The following ATG7 variants were observed in gnomAD, a reference collection of about 807,000 sequenced individuals.
ATG7 encodes the protein autophagy related 7, also known as ubiquitin-like modifier-activating enzyme ATG7.
ATG7 carries 70 observed loss-of-function variants against 82.4 expected under a neutral mutation model. The observed-to-expected ratio is 0.85, with a 90% CI of 0.70 to 1.04. The LOEUF is 1.04. Ranked by LOEUF, ATG7 falls within the 50% of genes least tolerant of loss-of-function variation. ATG7 has a pLI of 0.00. For synonymous variants in ATG7, 287 were observed against 313.0 expected, an observed-to-expected ratio of 0.92 and a Z score of 0.88; for missense variants, 792 against 864.3, an observed-to-expected ratio of 0.92 and a Z score of 1.05.
chr3:11,563,638 T>C, the ATG7 span, among the ~76,000 whole-genome samples: 2,342 of 152,286 alleles, frequency 0.015, 43 homozygotes, highest in East Asian at 0.077. Flanking sequence ...TAACTTGGCC[T>C]CGGGTTCCAT....
chr3:11,371,447 G>A (rs948245526), intron 18 of ATG7, among the ~76,000 whole-genome samples: 2 of 150,932 alleles, frequency 1.3e-5, no homozygotes, highest in Non-Finnish European at 3.0e-5. Context: ...GCCGTTGAAC[G>A]CTGAGGTGTG....
chr3:11,426,813 C>A lies in ATG7; in HGVS notation c.1966C>A (p.Gln656Lys). 1 of 1,592,086 alleles carries A rather than the reference C, an allele frequency of 6.3e-7. No individual in the cohort carries two copies. Among genetic ancestry groups the A allele is most frequent in the South Asian group, 1.2e-5 (1 of 86,146 alleles). ...TGTAAATGTTTTACAGGTTCTTGAT[C>A]AATATGAACGAGAAGGATTTAACTT... is the stretch of plus-strand genomic sequence containing the variant. Reference protein sequence around the residue: ...CTACSSKVLDQYEREGFNFLA... With the variant: ...CTACSSKVLDKYEREGFNFLA... Residue 656 changes from glutamine to lysine, a missense_variant, in exon 20 of 21, where the codon CAA becomes AAA. By Grantham distance (53) the Gln-to-Lys change is moderately conservative (BLOSUM62 1). Transcript: ENST00000693202.
chr3:11,321,881 A>G (rs1196636117), intron 9 of ATG7, among the ~76,000 whole-genome samples: 1 of 152,164 alleles, frequency 6.6e-6, no homozygotes, highest in Non-Finnish European at 1.5e-5. Flanking sequence ...GATTAACCCC[A>G]GTTTCCAGCT....
At chr3:11,412,261 CTTTTTTTTT>C (rs71055869) in intron 19 of ATG7, among the ~76,000 whole-genome samples, 1 of 137,816 alleles carries the variant, frequency 7.3e-6, no homozygotes, top group Admixed American at 7.2e-5. Context: ...TTATTTGATT[CTTTTTTTTT>C]TTTTTTTTAG....
chr3:11,396,250 C>T (rs1481928986), intron 19 of ATG7, among the ~76,000 whole-genome samples: 1 of 152,072 alleles, frequency 6.6e-6, no homozygotes, highest in Non-Finnish European at 1.5e-5. Flanking sequence ...AATTTGAGAC[C>T]AGGCTTGCCA....
At chr3:11,419,318 C>G (rs918355586) in intron 19 of ATG7, among the ~76,000 whole-genome samples, 1 of 152,018 alleles carries the variant, frequency 6.6e-6, no homozygotes, top group African/African-American at 2.4e-5. Flanking sequence ...TTTGGGAGGC[C>G]GAGGTGGGTG....
intron 13 of ATG7, among the ~76,000 whole-genome samples, chr3:11,345,104 T>A (rs1313149883): frequency 6.6e-6 from 1 of 151,910 alleles, no homozygotes; most frequent in Non-Finnish European, 1.5e-5. Flanking sequence ...CTGGGCCTGA[T>A]GCATTTAAGA....
intron 18 of ATG7, among the ~76,000 whole-genome samples, chr3:11,369,967 C>G (rs2076883232): frequency 6.6e-6 from 1 of 151,064 alleles, no homozygotes; most frequent in African/African-American, 2.4e-5. Context: ...TGGGGCAGCT[C>G]TTAGCACTTG....
At chr3:11,424,991 A>G (rs111643519) in intron 19 of ATG7, among the ~76,000 whole-genome samples, 3 of 151,008 alleles carry the variant, frequency 2.0e-5, no homozygotes, top group African/African-American at 7.3e-5. Context: ...TTTGTTTTTG[A>G]AGACTCTGTC....
At chr3:11,337,486 CTCTATATA>C (rs1292538252) in intron 11 of ATG7, among the ~76,000 whole-genome samples, 15 of 139,444 alleles carry the variant, frequency 1.1e-4, no homozygotes, top group African/African-American at 4.8e-4. Flanking sequence ...CTCTCTCTCT[CTCTATATA>C]TATATATATA....
At chr3:11,478,058 T>C (rs535453172) in intron 20 of ATG7, among the ~76,000 whole-genome samples, 3 of 152,260 alleles carry the variant, frequency 2.0e-5, no homozygotes, top group African/African-American at 7.2e-5. Context: ...AATAGCACAG[T>C]ATGATTATCC....
At chr3:11,451,680 A>G (rs908822087) in intron 20 of ATG7, among the ~76,000 whole-genome samples, 2 of 152,066 alleles carry the variant, frequency 1.3e-5, no homozygotes, top group African/African-American at 4.8e-5. Context: ...TTGTTGTTGG[A>G]CTATGAAGGC....
intron 20 of ATG7, among the ~76,000 whole-genome samples, chr3:11,542,099 G>T (rs1398056603): frequency 6.6e-6 from 1 of 152,196 alleles, no homozygotes; most frequent in South Asian, 2.1e-4. Flanking sequence ...AGCATACCCC[G>T]TTGCTAGCCA....
At chr3:11,525,646 C>G (rs1248815275) in intron 20 of ATG7, among the ~76,000 whole-genome samples, 1 of 151,266 alleles carries the variant, frequency 6.6e-6, no homozygotes, top group East Asian at 1.9e-4. Context: ...GCTCTGCCTC[C>G]TGGGTTCACA....
chr3:11,469,310 G>T (rs146034089), intron 20 of ATG7, among the ~76,000 whole-genome samples: 1 of 152,108 alleles, frequency 6.6e-6, no homozygotes, highest in African/African-American at 2.4e-5. Flanking sequence ...TTAGCCAGGC[G>T]TAGTGGCGCA....
rs914842655 is a variant in ATG7, at chr3:11,556,874, G to C, written c.*2031G>C. 1 of 152,790 alleles carries C rather than the reference G, an allele frequency of 6.5e-6. No homozygotes were observed. The highest frequency in any genetic ancestry group is 1.5e-5 in the Non-Finnish European group (1 of 68,050). 9.5% of individuals were successfully genotyped at this position (152,790 alleles called of 1,614,324 possible). On this transcript the variant is annotated 3_prime_UTR_variant, in exon 21 of 21. Coordinates refer to ENST00000693202, the MANE Select transcript of ATG7 (RefSeq NM_001349232.2). Reference sequence around the variant, plus strand: ...ACAGTGGGAGTGAAATGTGTGCGGGGCAAGGAGAAGGGCTTTTCTTTCCTC... The same window carrying C: ...ACAGTGGGAGTGAAATGTGTGCGGGCCAAGGAGAAGGGCTTTTCTTTCCTC...
At chr3:11,324,182 C>T (rs1366838571) in intron 9 of ATG7, among the ~76,000 whole-genome samples, 7 of 152,318 alleles carry the variant, frequency 4.6e-5, no homozygotes, top group Non-Finnish European at 4.4e-5. Context: ...GTGATTTGCC[C>T]AAGTTCGCAC....
chr3:11,326,917 A>G (rs1442433275), intron 9 of ATG7, among the ~76,000 whole-genome samples: 4 of 152,344 alleles, frequency 2.6e-5, no homozygotes, highest in South Asian at 4.1e-4. Context: ...TTAAAATGCC[A>G]TGAGACCCTG....
At chr3:11,339,781 G>C (rs188608751) in intron 11 of ATG7, among the ~76,000 whole-genome samples, 1 of 152,202 alleles carries the variant, frequency 6.6e-6, no homozygotes, top group Non-Finnish European at 1.5e-5. Context: ...GGAGAGCCAC[G>C]TAAGTGTGGG....
Sources: allele counts gnomAD v4.1 joint callset (sites outside exome capture counted in the v4.1 genomes callset), GRCh38; gene constraint gnomAD v4.1.1; transcripts MANE v1.5; gene names NCBI Gene and HGNC (gene_info 2026-07-23, HGNC 2026-07-21).